TXNRD2: variants seen among roughly 807,000 people sequenced by gnomAD.
The protein encoded by TXNRD2 is thioredoxin reductase 2, mitochondrial.
TXNRD2 carries 67 observed loss-of-function variants against 70.8 expected under a neutral mutation model. The observed-to-expected ratio is 0.95, with a 90% CI of 0.78 to 1.16. The LOEUF (loss-of-function observed/expected upper bound fraction) is 1.16, where lower values mean the gene tolerates loss of function less well. Ranked by LOEUF, TXNRD2 falls within the 50% of genes most tolerant of loss-of-function variation. The probability of loss-of-function intolerance (pLI) is 0.00; values close to 1 mark genes in which losing one functional copy is unlikely to be tolerated. For synonymous variants in TXNRD2, 301 were observed against 295.8 expected (o/e 1.02, Z -0.18); for missense variants, 644 against 719.9 (o/e 0.89, Z 1.21).
intron 12 of TXNRD2, among the ~76,000 whole-genome samples, chr22:19,883,031 G>C (rs940202980): frequency 6.6e-6 from 1 of 152,248 alleles, no homozygotes; most frequent in Non-Finnish European, 1.5e-5. Flanking sequence ...TGAGGCCTGC[G>C]TGCAGAGCTG....
intron 10 of TXNRD2, among the ~76,000 whole-genome samples, chr22:19,897,831 C>T (rs1196754694): frequency 1.3e-5 from 2 of 152,216 alleles, no homozygotes; most frequent in Non-Finnish European, 2.9e-5. Flanking sequence ...GGCCTCTGTG[C>T]AGCTGTGCGC....
chr22:19,890,333 A>G (rs1162900236), intron 11 of TXNRD2, among the ~76,000 whole-genome samples: 1 of 152,210 alleles, frequency 6.6e-6, no homozygotes, highest in Non-Finnish European at 1.5e-5. Flanking sequence ...TCTTGATGTC[A>G]TTAATTACAA....
At chr22:19,933,533 A>T in intron 1 of TXNRD2, 1 of 1,287,410 alleles carries the variant, frequency 7.8e-7, no homozygotes, top group South Asian at 1.2e-5. Context: ...GTCTGCTATC[A>T]GGCAGGGTGA....
At chr22:19,876,936 G>A in intron 17 of TXNRD2, 104 bp downstream of exon 17, 1 of 744,064 alleles carries the variant, frequency 1.3e-6, no homozygotes, top group Non-Finnish European at 2.0e-6. Flanking sequence ...TGGGTGGCGT[G>A]GCAGGTGTAG....
In TXNRD2 at chr22:19,941,764, G is replaced by A. The variant is rs1259706318; in HGVS notation, c.40C>T (p.Arg14Cys). ...MAVALRGLGG[R>C]FRWRTQAVAG... ...ACGGCCTGCGTCCGCCACCGGAAGCGCCCTCCTAATCCCCGCAGCGCCACC... is the reference window on the plus strand; with the variant it reads ...ACGGCCTGCGTCCGCCACCGGAAGCACCCTCCTAATCCCCGCAGCGCCACC... The change falls in exon 1 of 18, where the codon CGC (arginine) becomes TGC (cysteine). Residue 14 changes from arginine to cysteine, a missense_variant. Around this residue, in one of 3 missense-constraint regions of TXNRD2, gnomAD observed 71 missense variants for 53.6 expected, o/e 1.33. Transcript: ENST00000400521. 33 of 1,514,800 alleles carry A rather than the reference G, an allele frequency of 2.2e-5. No homozygotes were observed. In the Admixed American group the frequency reaches 3.2e-4, roughly 14 times the overall value. The allele number at this position is 1,514,800 out of a possible 1,614,324, so 93.8% of individuals were successfully genotyped here. A position where few individuals can be genotyped will look rare whatever the true frequency, so the allele number is the denominator to read the frequency against.
At chr22:19,909,187 C>G (rs1350235622) in intron 8 of TXNRD2, among the ~76,000 whole-genome samples, 1 of 132,558 alleles carries the variant, frequency 7.5e-6, no homozygotes, top group Non-Finnish European at 1.6e-5. Context: ...GCCTGGGCAA[C>G]AGAGTGAGAC....
chr22:19,901,503 T>C (rs1281076527), intron 8 of TXNRD2, among the ~76,000 whole-genome samples: 2 of 152,190 alleles, frequency 1.3e-5, no homozygotes, highest in Non-Finnish European at 2.9e-5. Flanking sequence ...CTTCTTGTTG[T>C]CATGAGCAAG....
intron 1 of TXNRD2, among the ~76,000 whole-genome samples, chr22:19,932,850 C>T (rs927815420): frequency 6.6e-5 from 10 of 152,190 alleles, no homozygotes; most frequent in African/African-American, 1.2e-4. Flanking sequence ...CAGAGCCTAG[C>T]GTCTGCCATG....
chr22:19,899,717 C>T (rs890775373), intron 8 of TXNRD2, among the ~76,000 whole-genome samples: 13 of 152,246 alleles, frequency 8.5e-5, no homozygotes, highest in Non-Finnish European at 1.3e-4. Flanking sequence ...CATGTACTCA[C>T]GCACACTTGT....
intron 14 of TXNRD2, among the ~76,000 whole-genome samples, chr22:19,879,443 G>C (rs758597341): frequency 2.6e-5 from 4 of 151,812 alleles, no homozygotes; most frequent in Admixed American, 6.6e-5. Flanking sequence ...CCACCTGCCA[G>C]AGCAGACCCC....
chr22:19,878,136 C>T lies in TXNRD2; in HGVS notation c.1399G>A (p.Gly467Ser). ...PQLVLGLHFLGPNAGEVTQGF... is the reference protein window; with the variant it reads ...PQLVLGLHFLSPNAGEVTQGF... Reference sequence around the variant, plus strand: ...TGAGTAACTTCGCCTGCGTTGGGGCCAAGGAAATGCAGGCCCAGCACCAGC... The same window carrying T: ...TGAGTAACTTCGCCTGCGTTGGGGCTAAGGAAATGCAGGCCCAGCACCAGC... The change falls in exon 16 of 18, where the codon GGC (glycine) becomes AGC (serine). Residue 467 changes from glycine (G) to serine (S), a missense_variant. Transcript: ENST00000400521. 6.2e-7 allele frequency: 1 copy of T among 1,613,458 alleles called. No individual in the cohort carries two copies. Among genetic ancestry groups the T allele is most frequent in the Non-Finnish European group, 8.5e-7 (1 of 1,180,024 alleles).
intron 1 of TXNRD2, among the ~76,000 whole-genome samples, chr22:19,937,785 C>T (rs891350724): frequency 2.0e-5 from 3 of 152,176 alleles, no homozygotes; most frequent in Non-Finnish European, 4.4e-5. Context: ...CCTGCGTTGT[C>T]GTAAGGGTAA....
intron 2 of TXNRD2, among the ~76,000 whole-genome samples, chr22:19,929,295 C>G (rs5993876): frequency 0.31 from 46,161 of 148,816 alleles, 7,755 homozygotes; most frequent in East Asian, 0.6. Flanking sequence ...CCACTGCACT[C>G]CAGCCTGGGC....
At chr22:19,885,822 C>G (rs1038137425) in intron 11 of TXNRD2, among the ~76,000 whole-genome samples, 2 of 152,250 alleles carry the variant, frequency 1.3e-5, no homozygotes, top group Non-Finnish European at 2.9e-5. Context: ...AACTATGGCA[C>G]TATGGCAACT....
chr22:19,931,178 A>G (rs1941346097), intron 1 of TXNRD2, 80 bp from the exon 2 acceptor site: 1 of 1,321,652 alleles, frequency 7.6e-7, no homozygotes, highest in East Asian at 2.3e-5. Context: ...AGGATTGGAC[A>G]CTCCATTCTG....
chr22:19,906,483 G>A lies in TXNRD2; in HGVS notation c.662+4894C>T, dbSNP rs1488691114. Reference sequence around the variant, plus strand: ...TAAAAAAAATAATCATTAGCTGGGCGTGGTGGCGAGCGCCTGTAATCCCAG... The same window carrying A: ...TAAAAAAAATAATCATTAGCTGGGCATGGTGGCGAGCGCCTGTAATCCCAG... On this transcript the variant is annotated intron_variant, in intron 8 of 17. Coordinates refer to ENST00000400521, the MANE Select transcript of TXNRD2 (RefSeq NM_006440.5). 3.3e-5 allele frequency among the ~76,000 whole-genome samples: 5 copies of A among 152,076 alleles called. No homozygotes were observed. The South Asian group carries it at 6.2e-4, about 19-fold the overall frequency.
chr22:19,913,628 A>G (rs985654281), intron 7 of TXNRD2, among the ~76,000 whole-genome samples: 5 of 152,230 alleles, frequency 3.3e-5, no homozygotes, highest in Admixed American at 6.5e-5. Context: ...AAAGTATGAG[A>G]TGTCTGCTGG....
chr22:19,888,615 C>G (rs536177593), intron 11 of TXNRD2, among the ~76,000 whole-genome samples: 1 of 152,334 alleles, frequency 6.6e-6, no homozygotes, highest in South Asian at 2.1e-4. Flanking sequence ...GCAGCCAGGG[C>G]CAAGCACTGC....
At chr22:19,936,932 T>C (rs1010343575) in intron 1 of TXNRD2, among the ~76,000 whole-genome samples, 10 of 152,208 alleles carry the variant, frequency 6.6e-5, no homozygotes, top group African/African-American at 2.4e-4. Context: ...AACCTCCTAA[T>C]GCTCAAGGGG....
Sources: gnomAD v4.1 joint callset for allele counts (sites outside exome capture counted in the v4.1 genomes callset) on GRCh38, gnomAD v4.1.1 for gene constraint, gnomAD v4.1.1 regional missense constraint, MANE v1.5 for transcripts, NCBI Gene and HGNC (gene_info 2026-07-23, HGNC 2026-07-21) for gene names.